Variants in KHDRBS2 observed in about 807,000 individuals in gnomAD.
The protein encoded by KHDRBS2 is KH domain-containing, RNA-binding, signal transduction-associated protein 2.
In KHDRBS2, 26 loss-of-function variants were observed where a neutral mutation model predicts 44.3. The observed-to-expected ratio is 0.59, with a 90% CI of 0.43 to 0.81. KHDRBS2 has a LOEUF of 0.81. Ranked by LOEUF, KHDRBS2 falls within the 40% of genes least tolerant of loss-of-function variation. The pLI is 0.00. For missense variants in KHDRBS2, 476 were observed against 433.1 expected (o/e 1.10, Z -0.88); for synonymous variants, 194 against 151.1 (o/e 1.28, Z -2.08).
chr6:61,639,355 C>G, the KHDRBS2 span, among the ~76,000 whole-genome samples: 1 of 152,020 alleles, frequency 6.6e-6, no homozygotes, highest in South Asian at 2.1e-4. Flanking sequence ...CTTATAATTT[C>G]TTGAATATAT....
the KHDRBS2 span, among the ~76,000 whole-genome samples, chr6:61,591,299 A>G: frequency 6.6e-6 from 1 of 152,224 alleles, no homozygotes; most frequent in African/African-American, 2.4e-5. Context: ...ATGAAAATAT[A>G]TAACAATTAA....
intron 3 of KHDRBS2, among the ~76,000 whole-genome samples, chr6:62,031,989 G>A (rs1784415693): frequency 6.6e-6 from 1 of 152,102 alleles, no homozygotes; most frequent in Non-Finnish European, 1.5e-5. Context: ...GGTAGCCACA[G>A]GGGTGCTTGT....
intron 3 of KHDRBS2, among the ~76,000 whole-genome samples, chr6:62,010,791 A>G (rs987076881): frequency 1.3e-5 from 2 of 152,180 alleles, no homozygotes; most frequent in Admixed American, 6.6e-5. Flanking sequence ...CTCATCTGTT[A>G]AATATTTTAA....
At chr6:61,968,340 A>G (rs904151146) in intron 4 of KHDRBS2, among the ~76,000 whole-genome samples, 11 of 151,988 alleles carry the variant, frequency 7.2e-5, no homozygotes, top group Non-Finnish European at 1.0e-4. Context: ...TGATATGTTC[A>G]TGCCCCTACA....
At chr6:61,614,863 G>A in the KHDRBS2 span, among the ~76,000 whole-genome samples, 1 of 152,078 alleles carries the variant, frequency 6.6e-6, no homozygotes, top group African/African-American at 2.4e-5. Context: ...GAACCTCAAG[G>A]AACTGCAGTT....
chr6:62,077,462 C>T (rs1276630630), intron 2 of KHDRBS2, among the ~76,000 whole-genome samples: 1 of 152,020 alleles, frequency 6.6e-6, no homozygotes, highest in African/African-American at 2.4e-5. Context: ...GTCTGCATTC[C>T]TAGTTCCAGG....
chr6:62,197,309 T>A (rs577000925), intron 1 of KHDRBS2, among the ~76,000 whole-genome samples: 1 of 152,218 alleles, frequency 6.6e-6, no homozygotes, highest in Non-Finnish European at 1.5e-5. Flanking sequence ...AAACCCAATT[T>A]TGAACACAGA....
the KHDRBS2 span, among the ~76,000 whole-genome samples, chr6:61,648,165 GAT>G: frequency 6.6e-6 from 1 of 151,958 alleles, no homozygotes; most frequent in East Asian, 1.9e-4. Flanking sequence ...AATATTATAA[GAT>G]AAAATTTAAA....
At chr6:62,163,119 C>G (rs548668673) in intron 2 of KHDRBS2, among the ~76,000 whole-genome samples, 138 of 152,024 alleles carry the variant, frequency 9.1e-4, no homozygotes, top group African/African-American at 3.3e-3. Context: ...AACTTAAATA[C>G]TATTAAGTTG....
chr6:62,031,161 G>A (rs1339448764), intron 3 of KHDRBS2, among the ~76,000 whole-genome samples: 1 of 152,018 alleles, frequency 6.6e-6, no homozygotes, highest in Non-Finnish European at 1.5e-5. Context: ...GCCAGACAGG[G>A]ACCTGCTGCC....
intron 4 of KHDRBS2, among the ~76,000 whole-genome samples, chr6:61,967,955 TATACACACACACACAC>T (rs1211908275): frequency 7.7e-6 from 1 of 130,182 alleles, no homozygotes; most frequent in Non-Finnish European, 1.6e-5. Context: ...TATATATATA[TATACACACACACACAC>T]ATGCACACAC....
intron 3 of KHDRBS2, among the ~76,000 whole-genome samples, chr6:62,026,565 T>G (rs1325445141): frequency 2.0e-5 from 3 of 151,704 alleles, no homozygotes; most frequent in East Asian, 1.9e-4. Flanking sequence ...CGCAAGTAAC[T>G]GGGATCACAG....
intron 2 of KHDRBS2, among the ~76,000 whole-genome samples, chr6:62,102,981 G>A (rs554926330): frequency 4.9e-4 from 75 of 152,288 alleles, no homozygotes; most frequent in Middle Eastern, 3.4e-3. Context: ...TCCGAAGTGT[G>A]TACCTCCCTT....
chr6:61,730,513 G>A (rs549240887), intron 7 of KHDRBS2, among the ~76,000 whole-genome samples: 2 of 152,174 alleles, frequency 1.3e-5, no homozygotes, highest in African/African-American at 2.4e-5. Flanking sequence ...AATGATAGGG[G>A]ACATGTACAC....
chr6:61,733,752 A>G (rs564075161), intron 6 of KHDRBS2, among the ~76,000 whole-genome samples: 1 of 152,304 alleles, frequency 6.6e-6, no homozygotes, highest in South Asian at 2.1e-4. Context: ...CAAGCTAGTA[A>G]TTATACACTC....
At chr6:61,666,683 A>G in the KHDRBS2 span, among the ~76,000 whole-genome samples, 5 of 151,454 alleles carry the variant, frequency 3.3e-5, no homozygotes, top group Non-Finnish European at 7.4e-5. Flanking sequence ...TTGCTTTTAT[A>G]TTGAAAAAGC....
At chr6:61,559,519 G>T in the KHDRBS2 span, among the ~76,000 whole-genome samples, 1 of 152,008 alleles carries the variant, frequency 6.6e-6, no homozygotes, top group African/African-American at 2.4e-5. Flanking sequence ...TTTAAAGAAG[G>T]TAATTTTCTC....
At chr6:61,585,818 T>A in the KHDRBS2 span, among the ~76,000 whole-genome samples, 17 of 152,158 alleles carry the variant, frequency 1.1e-4, no homozygotes, top group Admixed American at 3.9e-4. Context: ...TAATAATTGG[T>A]ATAATTCAAT....
downstream of KHDRBS2, among the ~76,000 whole-genome samples, chr6:61,677,710 C>T (rs1193959230): frequency 1.3e-5 from 2 of 151,870 alleles, no homozygotes; most frequent in Non-Finnish European, 2.9e-5. Flanking sequence ...GACTTGAACC[C>T]ATAGTATTTT....
Sources: allele counts gnomAD v4.1 joint callset (sites outside exome capture counted in the v4.1 genomes callset), GRCh38; gene constraint gnomAD v4.1.1; transcripts MANE v1.5; gene names NCBI Gene and HGNC (gene_info 2026-07-23, HGNC 2026-07-21).